ACVR1B: variants seen among roughly 807,000 people sequenced by gnomAD.
ACVR1B encodes activin A receptor type 1B.
In ACVR1B, 15 loss-of-function variants were observed where a neutral mutation model predicts 55.6. The observed-to-expected ratio is 0.27, with a 90% confidence interval of 0.18 to 0.42. ACVR1B has a LOEUF of 0.42. ACVR1B is among the 10% of genes least tolerant of loss of function. The pLI is 1.00. For missense variants in ACVR1B, 359 were observed against 670.1 expected (o/e 0.54, Z 5.13); for synonymous variants, 247 against 254.6 (o/e 0.97, Z 0.28).
intron 1 of ACVR1B, among the ~76,000 whole-genome samples, chr12:51,965,320 G>A (rs1486275051): frequency 1.3e-5 from 2 of 151,980 alleles, no homozygotes; most frequent in African/African-American, 4.8e-5. Flanking sequence ...AATTTGGTAA[G>A]CAGGGGAAAA....
intron 3 of ACVR1B, among the ~76,000 whole-genome samples, chr12:51,977,524 T>G (rs1243925403): frequency 6.6e-6 from 1 of 152,114 alleles, no homozygotes. Flanking sequence ...CTTGTGTTCT[T>G]GACCTCAAGT....
chr12:51,971,510 C>T (rs977899203), intron 1 of ACVR1B, among the ~76,000 whole-genome samples: 2 of 152,102 alleles, frequency 1.3e-5, no homozygotes, highest in Admixed American at 6.5e-5. Flanking sequence ...TTTATATACA[C>T]GGTGTGTAAA....
At position 51,996,049 on chromosome 12, in the gene ACVR1B, G is replaced by T. The variant is rs998477590; in HGVS notation, c.*1939G>T. ...TAGATGCCTGTTTTGAGACCAGAAG[G>T]TTTCATAATTGGTTCTACGACCCTT... On this transcript the variant is annotated 3_prime_UTR_variant, in exon 9 of 9. Coordinates refer to ENST00000257963, the MANE Select transcript of ACVR1B (RefSeq NM_004302.5). The T allele has an allele frequency of 1.3e-5, 2 of 152,182 alleles. No homozygotes were observed. Among genetic ancestry groups the T allele is most frequent in the Non-Finnish European group, 2.9e-5 (2 of 68,040 alleles). 9.4% of individuals were successfully genotyped at this position (152,182 alleles called of 1,614,324 possible).
chr12:51,960,305 C>A, intron 1 of ACVR1B: 1 of 152,188 alleles, frequency 6.6e-6, no homozygotes, highest in Non-Finnish European at 1.5e-5. Context: ...GCCTGTGGTC[C>A]CAGCTACTTG....
At chr12:51,993,676 A>G (rs559469251) in intron 8 of ACVR1B, among the ~76,000 whole-genome samples, 1 of 148,364 alleles carries the variant, frequency 6.7e-6, no homozygotes, top group East Asian at 2.1e-4. Context: ...CTGAGACAGG[A>G]GAATCACTTG....
chr12:51,994,124 C>G lies in ACVR1B; in HGVS notation c.*14C>G, dbSNP rs1419438971. 6.2e-7 allele frequency: 1 copy of G among 1,612,248 alleles called. No homozygotes were observed. The highest frequency in any genetic ancestry group is 8.5e-7 in the Non-Finnish European group (1 of 1,179,906). On this transcript the variant is annotated 3_prime_UTR_variant, in exon 9 of 9. Transcript: ENST00000257963. The surrounding 1 kb of genome is among the most constrained non-coding windows in gnomAD (Gnocchi z 4.2). ...GTGAAGATCTAACTGCTCCCTCTCT[C>G]CACACGGAGCTCCTGGCAGCGAGAA...
chr12:51,956,279 G>T lies in ACVR1B; in HGVS notation c.91+4445G>T, dbSNP rs1051279298. On this transcript the variant is annotated intron_variant, in intron 1 of 8. Coordinates refer to ENST00000257963, the MANE Select transcript of ACVR1B (RefSeq NM_004302.5). ...TGAATTTAGCATAATGAAAGTAACT[G>T]CCTTTCCCTTTAAACCATAACATCA... 9.8e-5 allele frequency among the ~76,000 whole-genome samples: 15 copies of T among 152,300 alleles called. No individual in the cohort carries two copies. In the South Asian group the frequency reaches 1.5e-3, roughly 15 times the overall value.
At chr12:51,963,018 A>G (rs943733957) in intron 1 of ACVR1B, among the ~76,000 whole-genome samples, 2 of 152,148 alleles carry the variant, frequency 1.3e-5, no homozygotes, top group Non-Finnish European at 2.9e-5. Context: ...CAGGAAGAAG[A>G]TAGTTTGAAA....
chr12:51,980,307 T>A (rs1012985618), intron 3 of ACVR1B, among the ~76,000 whole-genome samples: 2 of 152,176 alleles, frequency 1.3e-5, no homozygotes, highest in African/African-American at 4.8e-5. Flanking sequence ...GTAAGACAGT[T>A]AAGAGTCACT....
At position 51,976,416 on chromosome 12, in the gene ACVR1B, A is replaced by C. The variant is rs751694278; in HGVS notation, c.421A>C (p.Ile141Leu). ...CGGCCCGGTGTTCCTCCTGTTCCTCATCATCATCATTGTTTTCCTTGTCAT... is the reference window on the plus strand; with the variant it reads ...CGGCCCGGTGTTCCTCCTGTTCCTCCTCATCATCATTGTTTTCCTTGTCAT... ...IAGPVFLLFL[I>L]IIIVFLVINY... is the part of the protein sequence containing the mutation. The change falls in exon 3 of 9, where the codon ATC becomes CTC. Residue 141 changes from isoleucine to leucine, a missense_variant. Ile to Leu is a conservative substitution (Grantham distance 5). Coordinates refer to ENST00000257963, the MANE Select transcript of ACVR1B (RefSeq NM_004302.5). 17 of 1,613,788 alleles carry C rather than the reference A, an allele frequency of 1.1e-5. No homozygotes were observed. Among genetic ancestry groups the C allele is most frequent in the Middle Eastern group, 1.6e-4 (1 of 6,068 alleles).
intron 1 of ACVR1B, among the ~76,000 whole-genome samples, chr12:51,959,773 A>G (rs1941482514): frequency 1.3e-5 from 2 of 152,196 alleles, no homozygotes; most frequent in Admixed American, 6.5e-5. Flanking sequence ...CTTTGACCAC[A>G]TGTGGCTTTC....
chr12:51,990,439 C>T (rs1942169319), intron 7 of ACVR1B, among the ~76,000 whole-genome samples: 1 of 151,444 alleles, frequency 6.6e-6, no homozygotes, highest in Non-Finnish European at 1.5e-5. Flanking sequence ...CTCCAGCCTC[C>T]TGAGTAGCTT....
intron 1 of ACVR1B, among the ~76,000 whole-genome samples, chr12:51,952,775 A>G (rs1477893484): frequency 6.6e-6 from 1 of 151,948 alleles, no homozygotes; most frequent in Non-Finnish European, 1.5e-5. Context: ...GCCCTTGGTC[A>G]GTACTTATTT....
Position 51,976,499 on chromosome 12 carries a change from A to G in ACVR1B, c.504A>G (p.Ser168=). ...NRQRLDMEDP[S]CEMCLSKDKT... is the part of the protein sequence containing the mutation. Reference sequence around the variant, plus strand: ...AGAGACTGGACATGGAAGATCCCTCATGTGAGATGTGTCTCTCCAAAGACA... The same window carrying G: ...AGAGACTGGACATGGAAGATCCCTCGTGTGAGATGTGTCTCTCCAAAGACA... Residue 168 remains serine (S), a synonymous_variant, in exon 3 of 9, where the codon TCA becomes TCG. Coordinates refer to ENST00000257963, the MANE Select transcript of ACVR1B (RefSeq NM_004302.5). 6 of 1,614,116 alleles carry G rather than the reference A, an allele frequency of 3.7e-6. No individual in the cohort carries two copies. Among genetic ancestry groups the G allele is most frequent in the Non-Finnish European group, 5.1e-6 (6 of 1,180,024 alleles).
At chr12:51,959,311 T>C (rs1261991785) in intron 1 of ACVR1B, among the ~76,000 whole-genome samples, 1 of 152,232 alleles carries the variant, frequency 6.6e-6, no homozygotes, top group East Asian at 1.9e-4. Context: ...GGAAATCAGA[T>C]GTTCCAGCTG....
chr12:51,958,306 C>G (rs1490978535), intron 1 of ACVR1B, among the ~76,000 whole-genome samples: 1 of 152,082 alleles, frequency 6.6e-6, no homozygotes. Flanking sequence ...TTTTTGACAT[C>G]AGGGACTGGT....
chr12:51,978,195 A>G (rs558400836), intron 3 of ACVR1B, among the ~76,000 whole-genome samples: 1 of 152,262 alleles, frequency 6.6e-6, no homozygotes, highest in South Asian at 2.1e-4. Context: ...TGAAAGAGGT[A>G]GGGCAGTGGT....
In ACVR1B at chr12:51,958,597, G is replaced by A. The variant is rs1941455428; in HGVS notation, c.91+6763G>A. On this transcript the variant is annotated intron_variant, in intron 1 of 8. Transcript: ENST00000257963. ...CGGGAGGCGGAGGTTGCAGTCAGCC[G>A]AGATCACGCCACTGCACTCCAGCCT... Among the ~76,000 whole-genome samples, 3 of 150,066 alleles carry A rather than the reference G, an allele frequency of 2.0e-5. No individual in the cohort carries two copies. The South Asian group carries it at 6.3e-4, about 31-fold the overall frequency.
chr12:51,954,495 A>G (rs528176984), intron 1 of ACVR1B, among the ~76,000 whole-genome samples: 3 of 152,342 alleles, frequency 2.0e-5, no homozygotes, highest in East Asian at 3.9e-4. Context: ...CAAGCCTTGT[A>G]ATTTTGTTGA....
Sources: gnomAD v4.1 joint callset for allele counts (sites outside exome capture counted in the v4.1 genomes callset) on GRCh38, gnomAD v4.1.1 for gene constraint, Gnocchi (gnomAD v3.1) non-coding constraint, MANE v1.5 for transcripts, NCBI Gene and HGNC (gene_info 2026-07-23, HGNC 2026-07-21) for gene names.